The following DLGAP2 variants were observed in gnomAD, a reference collection of about 807,000 sequenced individuals.
DLGAP2 encodes disks large-associated protein 2.
Under a neutral mutation model 100.3 loss-of-function variants are expected in DLGAP2, and 26 were observed. The ratio of observed to expected loss-of-function variants is 0.26; its 90% CI spans 0.19 to 0.36. The LOEUF is 0.36. DLGAP2 is among the 10% of genes least tolerant of loss of function. The pLI, the probability that DLGAP2 is intolerant of heterozygous loss-of-function variation, is 1.00. For missense variants in DLGAP2, 1,858 were observed against 1,453.2 expected (o/e 1.28, Z -4.53); for synonymous variants, 886 against 630.1 (o/e 1.41, Z -6.08).
chr8:1,372,741 C>G (rs1247609786), intron 3 of DLGAP2, among the ~76,000 whole-genome samples: 2 of 152,190 alleles, frequency 1.3e-5, no homozygotes, highest in African/African-American at 2.4e-5. Flanking sequence ...TGATATATTT[C>G]CAGTGTTTCA....
At chr8:1,164,256 C>T (rs1203969840) in intron 2 of DLGAP2, among the ~76,000 whole-genome samples, 3 of 123,776 alleles carry the variant, frequency 2.4e-5, no homozygotes, top group African/African-American at 6.6e-5. Flanking sequence ...TGAGCCCCCC[C>T]AGGGCCCCTC....
chr8:1,547,957 T>C (rs989178124), intron 4 of DLGAP2, among the ~76,000 whole-genome samples: 1 of 152,216 alleles, frequency 6.6e-6, no homozygotes, highest in Non-Finnish European at 1.5e-5. Context: ...AAGTACCAGA[T>C]GCTATTTTTA....
At chr8:1,344,087 C>T (rs1333076813) in intron 3 of DLGAP2, among the ~76,000 whole-genome samples, 18 of 142,526 alleles carry the variant, frequency 1.3e-4, no homozygotes, top group Admixed American at 4.1e-4. Context: ...AAATGTCGTA[C>T]TCGGGGCCCT....
intron 1 of DLGAP2, among the ~76,000 whole-genome samples, chr8:823,928 T>C (rs970578978): frequency 2.0e-5 from 3 of 152,182 alleles, no homozygotes; most frequent in Non-Finnish European, 4.4e-5. Context: ...CTATCCCTTA[T>C]ACGATGGAAC....
chr8:1,209,410 C>T (rs547937008), intron 2 of DLGAP2, among the ~76,000 whole-genome samples: 3 of 152,126 alleles, frequency 2.0e-5, no homozygotes, highest in African/African-American at 7.2e-5. Context: ...ATTTTAAATT[C>T]CAAAAAGACA....
intron 3 of DLGAP2, among the ~76,000 whole-genome samples, chr8:1,270,016 C>T (rs780439865): frequency 5.3e-5 from 8 of 152,298 alleles, no homozygotes; most frequent in Non-Finnish European, 1.2e-4. Context: ...GGAGCATTTT[C>T]ATCACAGGCC....
At chr8:1,502,718 A>G (rs919609248) in intron 4 of DLGAP2, among the ~76,000 whole-genome samples, 1 of 152,136 alleles carries the variant, frequency 6.6e-6, no homozygotes. Flanking sequence ...GAGGCTTCCA[A>G]ATGCACGGGA....
intron 2 of DLGAP2, among the ~76,000 whole-genome samples, chr8:917,740 C>A (rs1304736559): frequency 6.6e-6 from 1 of 152,128 alleles, no homozygotes; most frequent in Non-Finnish European, 1.5e-5. Flanking sequence ...GCCACCACGC[C>A]TGGCTGATTT....
intron 4 of DLGAP2, among the ~76,000 whole-genome samples, chr8:1,524,225 A>G (rs1800713738): frequency 2.0e-5 from 3 of 152,066 alleles, no homozygotes; most frequent in Admixed American, 1.3e-4. Flanking sequence ...CCCATCTGAG[A>G]GGCCGGCAGG....
intron 1 of DLGAP2, among the ~76,000 whole-genome samples, chr8:827,185 CA>C (rs1163703338): frequency 6.6e-6 from 1 of 152,160 alleles, no homozygotes; most frequent in East Asian, 1.9e-4. Context: ...AAGAATCATC[CA>C]GACCAAAATG....
chr8:857,897 C>G (rs1390636320), intron 1 of DLGAP2, among the ~76,000 whole-genome samples: 10 of 151,482 alleles, frequency 6.6e-5, no homozygotes, highest in Non-Finnish European at 2.9e-5. Flanking sequence ...TGAGACGGAG[C>G]CTCGCTCTTG....
intron 1 of DLGAP2, among the ~76,000 whole-genome samples, chr8:787,272 G>A (rs1027022599): frequency 6.6e-6 from 1 of 152,102 alleles, no homozygotes; most frequent in African/African-American, 2.4e-5. Flanking sequence ...AGAGCCTGAC[G>A]CGTCTGTTCT....
chr8:859,494 C>T (rs775778770), intron 1 of DLGAP2, among the ~76,000 whole-genome samples: 9 of 152,060 alleles, frequency 5.9e-5, no homozygotes, highest in Non-Finnish European at 1.2e-4. Flanking sequence ...GTTAGCGGCA[C>T]GTGTGAGCTG....
At chr8:1,619,890 C>T (rs1585001968) in intron 6 of DLGAP2, 1 of 152,182 alleles carries the variant, frequency 6.6e-6, no homozygotes, top group South Asian at 2.1e-4. Flanking sequence ...ATGTTACTTC[C>T]GACCTGTAAA....
At chr8:1,564,264 G>A (rs1481423661) in intron 5 of DLGAP2, among the ~76,000 whole-genome samples, 4 of 152,146 alleles carry the variant, frequency 2.6e-5, no homozygotes, top group East Asian at 1.9e-4. Context: ...AGCAGCTCCC[G>A]CAATGGAAAC....
intron 2 of DLGAP2, among the ~76,000 whole-genome samples, chr8:1,075,175 C>T (rs552796587): frequency 8.5e-5 from 13 of 152,336 alleles, no homozygotes; most frequent in African/African-American, 2.9e-4. Flanking sequence ...CCCTCCTTTT[C>T]GGATGAGTGG....
rs536664192 is a variant in DLGAP2 at position 1,023,783 on chromosome 8, T to C, written c.73+115817T>C. On this transcript the variant is annotated intron_variant, in intron 2 of 14. Coordinates refer to ENST00000637795, the MANE Select transcript of DLGAP2 (RefSeq NM_001346810.2). The stretch of plus-strand genomic sequence containing the variant: ...TCTGCAGCGAGATGGGGCATTCCCG[T>C]TTCAATGTCTGTCTGTGTTGATATT... 2.6e-4 allele frequency among the ~76,000 whole-genome samples: 39 copies of C among 152,116 alleles called. 1 individual carries two copies. In the Middle Eastern group the frequency reaches 0.01, roughly 40 times the overall value.
chr8:941,115 C>T (rs1002639370), intron 2 of DLGAP2, among the ~76,000 whole-genome samples: 3 of 152,112 alleles, frequency 2.0e-5, no homozygotes, highest in South Asian at 2.1e-4. Flanking sequence ...CAGGAGCTTT[C>T]GTGTGGGACC....
chr8:1,203,641 T>G (rs970869392), intron 2 of DLGAP2, among the ~76,000 whole-genome samples: 1 of 152,222 alleles, frequency 6.6e-6, no homozygotes, highest in Non-Finnish European at 1.5e-5. Flanking sequence ...GAGATGTCTT[T>G]ATATCAAGGA....
Sources: gnomAD v4.1 joint callset for allele counts (sites outside exome capture counted in the v4.1 genomes callset) on GRCh38, gnomAD v4.1.1 for gene constraint, MANE v1.5 for transcripts, NCBI Gene and HGNC (gene_info 2026-07-23, HGNC 2026-07-21) for gene names.